EFCAB6: variants seen among roughly 807,000 people sequenced by gnomAD.
EFCAB6 encodes the protein EF-hand calcium binding domain 6.
Under a neutral mutation model 169.8 loss-of-function variants are expected in EFCAB6, and 156 were observed. That is an observed-to-expected ratio of 0.92 (90% CI 0.81 to 1.05). The LOEUF (loss-of-function observed/expected upper bound fraction) is 1.05. Among genes scored for constraint, EFCAB6 ranks in the 50% least tolerant of loss-of-function variants. The pLI, the probability that EFCAB6 is intolerant of heterozygous loss-of-function variation, is 0.00. For missense variants in EFCAB6, 1,800 were observed against 1,829.1 expected (o/e 0.98, Z 0.29); for synonymous variants, 698 against 676.4 (o/e 1.03, Z -0.50).
intron 15 of EFCAB6, among the ~76,000 whole-genome samples, chr22:43,669,875 G>A (rs1341981928): frequency 1.3e-5 from 2 of 152,214 alleles, no homozygotes; most frequent in Non-Finnish European, 2.9e-5. Flanking sequence ...ACACTGAGGT[G>A]TGATTTACCT....
chr22:43,773,200 G>A (rs1603354275), intron 3 of EFCAB6, 97 bp from the exon 4 acceptor site: 1 of 1,215,056 alleles, frequency 8.2e-7, no homozygotes, highest in East Asian at 2.5e-5. Flanking sequence ...AAACTTATTA[G>A]ATGGTATTTC....
In EFCAB6 at chr22:43,666,691, G is replaced by GTTTTT. The variant is rs137764; in HGVS notation, c.1983+408_1983+412dup. On this transcript the variant is annotated intron_variant, in intron 17 of 31. Transcript: ENST00000262726. ...GTTTCCCATATTTCACTGCCAGATT[G>GTTTTT]TTTTTTTTTTTTTTTTTTTTTTTTC... 2.2e-3 allele frequency among the ~76,000 whole-genome samples: 175 copies of GTTTTT among 77,796 alleles called. 4 individuals are homozygous for GTTTTT. The highest frequency in any genetic ancestry group is 3.7e-3 in the South Asian group (7 of 1,896). 51.0% of individuals were successfully genotyped at this position (77,796 alleles called of 152,430 possible). A position where few individuals can be genotyped will look rare whatever the true frequency, so the allele number is the denominator to read the frequency against.
intron 17 of EFCAB6, among the ~76,000 whole-genome samples, chr22:43,651,780 A>G (rs2056481484): frequency 6.6e-6 from 1 of 152,226 alleles, no homozygotes; most frequent in Non-Finnish European, 1.5e-5. Flanking sequence ...GATGTGAGAC[A>G]TGGAGTCAAA....
intron 27 of EFCAB6, among the ~76,000 whole-genome samples, chr22:43,549,897 GAACCCAAAA>G (rs2048287155): frequency 6.6e-6 from 1 of 152,158 alleles, no homozygotes; most frequent in African/African-American, 2.4e-5. Flanking sequence ...TTGAGAAATT[GAACCCAAAA>G]AACTACTTGT....
At chr22:43,550,060 T>C (rs2048295347) in intron 27 of EFCAB6, among the ~76,000 whole-genome samples, 1 of 152,106 alleles carries the variant, frequency 6.6e-6, no homozygotes, top group Non-Finnish European at 1.5e-5. Flanking sequence ...TTGCTCTGCA[T>C]GGAGTCAGGA....
chr22:43,721,034 T>C (rs1052843679), intron 8 of EFCAB6, among the ~76,000 whole-genome samples: 2 of 152,168 alleles, frequency 1.3e-5, no homozygotes, highest in Non-Finnish European at 2.9e-5. Context: ...AAGGTTTCAG[T>C]ACACAAAATC....
intron 13 of EFCAB6, 34 bp from the exon 14 acceptor site, chr22:43,672,339 C>G (rs761358585): frequency 6.2e-7 from 1 of 1,609,148 alleles, no homozygotes; most frequent in South Asian, 1.1e-5. Context: ...TAAATAAATA[C>G]CACTCATGAA....
intron 4 of EFCAB6, 73 bp downstream of exon 4, chr22:43,772,819 G>A: frequency 6.5e-7 from 1 of 1,540,670 alleles, no homozygotes; most frequent in Non-Finnish European, 8.9e-7. Context: ...AGACAGGAGA[G>A]GTTACCTGCT....
rs190460281 is a variant in EFCAB6 at position 43,680,738 on chromosome 22, C to A, written c.1252-2575G>T. Among the ~76,000 whole-genome samples the A allele has an allele frequency of 2.0e-5, 3 of 152,150 alleles. No homozygotes were observed. The East Asian group carries it at 5.8e-4, about 29-fold the overall frequency. Reference sequence around the variant, plus strand: ...TAAATGGAATTGCTTTCAGAAGTTCCTTTTCAGATTGCTCATAGCTAGTTT... The same window carrying A: ...TAAATGGAATTGCTTTCAGAAGTTCATTTTCAGATTGCTCATAGCTAGTTT... On this transcript the variant is annotated intron_variant, in intron 12 of 31. Transcript: ENST00000262726.
At chr22:43,706,693 C>T (rs768046105) in intron 10 of EFCAB6, among the ~76,000 whole-genome samples, 2 of 152,192 alleles carry the variant, frequency 1.3e-5, no homozygotes, top group Non-Finnish European at 2.9e-5. Context: ...TCCAATCAAA[C>T]GCAGCTCTTT....
chr22:43,668,427 AATCATTCT>A (rs2057353915), intron 16 of EFCAB6, among the ~76,000 whole-genome samples: 1 of 152,246 alleles, frequency 6.6e-6, no homozygotes, highest in South Asian at 2.1e-4. Flanking sequence ...AAATCAGTTT[AATCATTCT>A]ATCATTCATA....
chr22:43,755,531 C>G (rs2060924692), intron 6 of EFCAB6, among the ~76,000 whole-genome samples: 1 of 152,168 alleles, frequency 6.6e-6, no homozygotes, highest in Non-Finnish European at 1.5e-5. Context: ...AATTAATATT[C>G]CAGGACTTCT....
At chr22:43,707,226 C>T (rs914399392) in intron 10 of EFCAB6, among the ~76,000 whole-genome samples, 1 of 152,006 alleles carries the variant, frequency 6.6e-6, no homozygotes, top group Admixed American at 6.6e-5. Context: ...GAAAAATAGC[C>T]AAAATGCAGC....
chr22:43,759,799 G>T (rs1469759539), intron 5 of EFCAB6: 3 of 152,196 alleles, frequency 2.0e-5, no homozygotes, highest in Non-Finnish European at 4.4e-5. Context: ...TCAATATGGT[G>T]ATTTTGATAC....
In EFCAB6 at chr22:43,632,252, A is replaced by G. The variant is rs1368397248; in HGVS notation, c.2099-14T>C. ...TCATTGGAGGATCTGGAACAATTAC[A>G]AAGATCGGGGTTTCCATTAGTGCCC... On this transcript the variant is annotated splice_polypyrimidine_tract_variant and intron_variant, in intron 18 of 31. Coordinates refer to ENST00000262726, the MANE Select transcript of EFCAB6 (RefSeq NM_022785.4). The G allele has an allele frequency of 3.7e-6, 6 of 1,610,194 alleles. No individual in the cohort carries two copies. In the African/African-American group the frequency reaches 5.4e-5, roughly 14 times the overall value.
In EFCAB6 at chr22:43,537,528, G is replaced by A. The variant is rs3747200; in HGVS notation, c.3897C>T (p.Thr1299=). 9.5e-4 allele frequency: 1,536 copies of A among 1,613,944 alleles called. 22 individuals carry two copies. The East Asian group carries it at 0.03, about 32-fold the overall frequency. ...QSHPCTPAST[T]VIPGTPPLQN... ...GCAAGGGTGGAGTGCCCGGGATCAC[G>A]GTGGTGCTCGCTGGAGTCTAGCAGG... The change falls in exon 29 of 32, where the codon ACC becomes ACT. Residue 1299 remains threonine (T), a synonymous_variant. Coordinates refer to ENST00000262726, the MANE Select transcript of EFCAB6 (RefSeq NM_022785.4). This position sits in a 1 kb window ranked among gnomAD's most constrained non-coding sequence, Gnocchi z 4.3.
rs149287334 is a variant in EFCAB6 at position 43,652,863 on chromosome 22, T to C, written c.1983+14241A>G. On this transcript the variant is annotated intron_variant, in intron 17 of 31. Coordinates refer to ENST00000262726, the MANE Select transcript of EFCAB6 (RefSeq NM_022785.4). ...ATGTTTAAGAGAATACCGGAGTATA[T>C]TGAGACAAAAGAAGAAAAAAACACA... Among the ~76,000 whole-genome samples the C allele has an allele frequency of 1.6e-3, 247 of 150,584 alleles. 1 individual carries two copies. The highest frequency in any genetic ancestry group is 5.9e-3 in the African/African-American group (243 of 41,006).
At chr22:43,608,459 A>G in intron 22 of EFCAB6, 23 bp downstream of exon 22, 1 of 1,609,756 alleles carries the variant, frequency 6.2e-7, no homozygotes, top group Non-Finnish European at 8.5e-7. Context: ...AATGGAAACC[A>G]ACCAGTCTCA....
At chr22:43,638,429 A>G (rs1264710199) in intron 17 of EFCAB6, among the ~76,000 whole-genome samples, 1 of 152,196 alleles carries the variant, frequency 6.6e-6, no homozygotes, top group Non-Finnish European at 1.5e-5. Context: ...CACTCCGGCC[A>G]TCCCTGGGGC....
Sources: allele counts gnomAD v4.1 joint callset (sites outside exome capture counted in the v4.1 genomes callset), GRCh38; gene constraint gnomAD v4.1.1; non-coding constraint Gnocchi (gnomAD v3.1); transcripts MANE v1.5; gene names NCBI Gene and HGNC (gene_info 2026-07-23, HGNC 2026-07-21).